Variants in COL4A4 observed in about 807,000 individuals in gnomAD.
The protein encoded by COL4A4 is collagen type IV alpha 4 chain.
A neutral mutation model predicts 192.9 loss-of-function variants in COL4A4; 105 were observed. The observed-to-expected ratio is 0.54, with a 90% confidence interval of 0.46 to 0.64. The LOEUF (loss-of-function observed/expected upper bound fraction) is 0.64. Among genes scored for constraint, COL4A4 ranks in the 30% least tolerant of loss-of-function variants. The pLI is 0.00. For synonymous variants in COL4A4, 762 were observed against 769.9 expected (o/e 0.99, Z 0.17); for missense variants, 1,967 against 2,169.3 (o/e 0.91, Z 1.85).
intron 12 of COL4A4, among the ~76,000 whole-genome samples, chr2:227,105,024 ATT>A (rs1251430573): frequency 6.6e-6 from 1 of 151,980 alleles, no homozygotes; most frequent in Non-Finnish European, 1.5e-5. Context: ...TGAATAAACA[ATT>A]TGTTTTATGT....
At chr2:226,993,473 C>T in the COL4A4 span, among the ~76,000 whole-genome samples, 1 of 152,192 alleles carries the variant, frequency 6.6e-6, no homozygotes, top group Non-Finnish European at 1.5e-5. Context: ...ATTTGGATCT[C>T]ATCATATAAA....
chr2:227,018,676 A>C, intron 44 of COL4A4, among the ~76,000 whole-genome samples: 1 of 152,288 alleles, frequency 6.6e-6, no homozygotes, highest in East Asian at 1.9e-4. Flanking sequence ...ACTTTTTAAA[A>C]AACATCATAA....
intron 34 of COL4A4, among the ~76,000 whole-genome samples, chr2:227,048,570 A>G (rs1207326734): frequency 6.6e-6 from 1 of 152,168 alleles, no homozygotes; most frequent in Non-Finnish European, 1.5e-5. Flanking sequence ...AAAATAGACC[A>G]TGGGAAAAAG....
chr2:227,020,961 G>A (rs1047896865), intron 44 of COL4A4, among the ~76,000 whole-genome samples: 1 of 141,996 alleles, frequency 7.0e-6, no homozygotes, highest in Non-Finnish European at 1.5e-5. Context: ...TGCCTCCACC[G>A]TTCAAGCGAT....
chr2:227,087,116 G>C (rs1298819908), intron 22 of COL4A4, among the ~76,000 whole-genome samples: 1 of 152,172 alleles, frequency 6.6e-6, no homozygotes, highest in Non-Finnish European at 1.5e-5. Flanking sequence ...AGTCTCCAGG[G>C]GAGTACCCCA....
At chr2:226,971,870 T>A in the COL4A4 span, among the ~76,000 whole-genome samples, 1 of 152,098 alleles carries the variant, frequency 6.6e-6, no homozygotes, top group Non-Finnish European at 1.5e-5. Flanking sequence ...AAGGAACTTA[T>A]TGAACATGAT....
At chr2:227,019,244 AG>A (rs1965514458) in intron 44 of COL4A4, among the ~76,000 whole-genome samples, 1 of 152,240 alleles carries the variant, frequency 6.6e-6, no homozygotes, top group African/African-American at 2.4e-5. Context: ...ACCTGCAGCT[AG>A]GACTGCCTTG....
intron 24 of COL4A4, 103 bp from the exon 25 acceptor site, chr2:227,078,180 A>C: frequency 8.9e-7 from 1 of 1,129,106 alleles, no homozygotes; most frequent in African/African-American, 1.5e-5. Flanking sequence ...CCATAATTTC[A>C]GGAGACAGTT....
At chr2:227,076,311 A>C (rs1449285561) in intron 25 of COL4A4, among the ~76,000 whole-genome samples, 1 of 152,172 alleles carries the variant, frequency 6.6e-6, no homozygotes, top group Non-Finnish European at 1.5e-5. Flanking sequence ...AATGGAACAG[A>C]ACAGAGACCT....
the COL4A4 span, chr2:226,995,505 A>G: frequency 1.2e-6 from 2 of 1,610,946 alleles, no homozygotes; most frequent in African/African-American, 1.3e-5. Flanking sequence ...GCGGCTTCAC[A>G]GATTCGATAG....
intron 3 of COL4A4, among the ~76,000 whole-genome samples, chr2:227,143,461 A>G (rs571672314): frequency 1.1e-4 from 16 of 152,300 alleles, no homozygotes; most frequent in East Asian, 3.9e-4. Flanking sequence ...TTAAAACCCA[A>G]TGATAATATG....
At chr2:227,077,743 CA>C in intron 25 of COL4A4, 150 bp downstream of exon 25, 1 of 682,574 alleles carries the variant, frequency 1.5e-6, no homozygotes, top group Non-Finnish European at 2.4e-6. Context: ...TCTAGGGATA[CA>C]AAAATCTACA....
intron 12 of COL4A4, 113 bp from the exon 13 acceptor site, chr2:227,104,165 A>G: frequency 1.1e-6 from 1 of 887,114 alleles, no homozygotes; most frequent in Non-Finnish European, 1.9e-6. Flanking sequence ...GATTTAAAAT[A>G]CAAGTTGTGG....
chr2:226,975,091 G>C, the COL4A4 span, among the ~76,000 whole-genome samples: 2 of 152,162 alleles, frequency 1.3e-5, no homozygotes, highest in South Asian at 2.1e-4. Flanking sequence ...CTTCCATTTA[G>C]TTGGCAGTTC....
At chr2:227,129,975 C>T (rs904617905) in intron 4 of COL4A4, among the ~76,000 whole-genome samples, 1 of 152,192 alleles carries the variant, frequency 6.6e-6, no homozygotes, top group Non-Finnish European at 1.5e-5. Context: ...TGTAATTCAA[C>T]CAGTCAGCCA....
Position 227,123,760 on chromosome 2 carries a change from G to A in COL4A4, c.193-2612C>T, listed in dbSNP as rs754383883. 3.9e-5 allele frequency among the ~76,000 whole-genome samples: 6 copies of A among 152,190 alleles called. No individual in the cohort carries two copies. Among genetic ancestry groups the A allele is most frequent in the Admixed American group, 2.6e-4 (4 of 15,288 alleles). ...CAGAAACAACAGGTCTGAGGAAGAC[G>A]TGTGGGACCCCAAAAGCACGTGCAA... is the stretch of plus-strand genomic sequence containing the variant. On this transcript the variant is annotated intron_variant, in intron 4 of 47. Coordinates refer to ENST00000396625, the MANE Select transcript of COL4A4 (RefSeq NM_000092.5). The surrounding 1 kb of genome is among the most constrained non-coding windows in gnomAD (Gnocchi z 4.6).
intron 5 of COL4A4, 98 bp from the exon 6 acceptor site, chr2:227,120,037 T>C: frequency 1.1e-6 from 1 of 906,976 alleles, no homozygotes; most frequent in Non-Finnish European, 1.6e-6. Context: ...TCTTTAAACA[T>C]GCTGAGCAGT....
chr2:227,044,006 A>C (rs766862441), intron 35 of COL4A4, among the ~76,000 whole-genome samples: 20 of 152,320 alleles, frequency 1.3e-4, no homozygotes, highest in Non-Finnish European at 2.2e-4. Flanking sequence ...AATTTCTAAA[A>C]ATTTAAAGCA....
intron 1 of COL4A4, among the ~76,000 whole-genome samples, chr2:227,154,107 C>T (rs1222608856): frequency 2.0e-5 from 3 of 152,176 alleles, no homozygotes; most frequent in Admixed American, 6.5e-5. Context: ...GATCCACAAC[C>T]TCTTTCCCAG....
Sources: allele counts gnomAD v4.1 joint callset (sites outside exome capture counted in the v4.1 genomes callset), GRCh38; gene constraint gnomAD v4.1.1; non-coding constraint Gnocchi (gnomAD v3.1); transcripts MANE v1.5; gene names NCBI Gene and HGNC (gene_info 2026-07-23, HGNC 2026-07-21).